Variants in LYPD1 observed in about 807,000 individuals in gnomAD.
LYPD1 encodes the protein LY6/PLAUR domain containing 1, also known as ly6/PLAUR domain-containing protein 1.
Under a neutral mutation model 14.2 loss-of-function variants are expected in LYPD1, and 14 were observed. That is an observed-to-expected ratio of 0.99 (90% confidence interval 0.65 to 1.54). The LOEUF is 1.54. Ranked by LOEUF, LYPD1 falls within the 40% of genes most tolerant of loss-of-function variation. LYPD1 has a pLI of 0.00. For synonymous variants in LYPD1, 85 were observed against 70.6 expected (o/e 1.20, Z -1.02); for missense variants, 165 against 175.7 (o/e 0.94, Z 0.34).
intron 2 of LYPD1, among the ~76,000 whole-genome samples, chr2:132,661,003 T>G (rs1682900160): frequency 1.3e-5 from 2 of 152,300 alleles, no homozygotes; most frequent in East Asian, 3.9e-4. Flanking sequence ...ATCAAGATGC[T>G]TAAGCCCCCC....
In LYPD1 at chr2:132,645,012, C is replaced by T. The variant is rs1031459447; in HGVS notation, c.*1033G>A. 49 of 1,446,030 alleles carry T rather than the reference C, an allele frequency of 3.4e-5. No individual in the cohort carries two copies. Among genetic ancestry groups the T allele is most frequent in the Non-Finnish European group, 4.5e-5 (48 of 1,067,768 alleles). The allele number at this position is 1,446,030 out of a possible 1,614,324, so 89.6% of individuals were successfully genotyped here. A position where few individuals can be genotyped will look rare whatever the true frequency, so the allele number is the denominator to read the frequency against. ...GGCCAGTAAGCACAGAACAGAGGGGCTAAATATTTTATGGTTTTATTCATT... is the reference window on the plus strand; with the variant it reads ...GGCCAGTAAGCACAGAACAGAGGGGTTAAATATTTTATGGTTTTATTCATT... On this transcript the variant is annotated 3_prime_UTR_variant, in exon 3 of 3. Coordinates refer to ENST00000397463, the MANE Select transcript of LYPD1 (RefSeq NM_144586.7).
intron 2 of LYPD1, 114 bp downstream of exon 2, chr2:132,668,286 C>T: frequency 7.7e-7 from 1 of 1,298,972 alleles, no homozygotes. Flanking sequence ...CTGCGATAAC[C>T]AGTGTGTGGG....
Position 132,643,368 on chromosome 2 carries a change from T to TC in LYPD1, c.*2676dup, listed in dbSNP as rs1364571978. Among the ~76,000 whole-genome samples, 1 of 152,202 alleles carries TC rather than the reference T, an allele frequency of 6.6e-6. No individual in the cohort carries two copies. Among genetic ancestry groups the TC allele is most frequent in the African/African-American group, 2.4e-5 (1 of 41,450 alleles). On this transcript the variant is annotated 3_prime_UTR_variant, in exon 3 of 3. Transcript: ENST00000397463. ...TGGAAATTAACAAAGGAGAAGAGTT[T>TC]CCAAGGCCTTCCTTGCTCACATATG...
intron 2 of LYPD1, among the ~76,000 whole-genome samples, chr2:132,649,832 G>GA (rs1281730267): frequency 1.7e-3 from 265 of 151,878 alleles, no homozygotes; most frequent in African/African-American, 5.2e-3. Flanking sequence ...AATGTTGGGG[G>GA]ATAAAAACCC....
Position 132,668,581 on chromosome 2 carries a change from G to A in LYPD1, c.53-44C>T, listed in dbSNP as rs1287811167. ...CGGGTTCAGATCCGGCCCCCACAGA[G>A]CCCACCCCGGAAATCACGACCATCC... is the stretch of plus-strand genomic sequence containing the variant. On this transcript the variant is annotated intron_variant, in intron 1 of 2. Transcript: ENST00000397463. 4 of 1,599,176 alleles carry A rather than the reference G, an allele frequency of 2.5e-6. No individual in the cohort carries two copies. The South Asian group carries it at 3.4e-5, about 13-fold the overall frequency.
At chr2:132,666,590 C>G (rs2104926909) in intron 2 of LYPD1, 1 of 152,242 alleles carries the variant, frequency 6.6e-6, no homozygotes, top group South Asian at 2.1e-4. Context: ...AGCGAGCAAC[C>G]TTAGGCCAGA....
intron 1 of LYPD1, 97 bp from the exon 2 acceptor site, chr2:132,668,634 C>G: frequency 6.5e-7 from 1 of 1,527,406 alleles, no homozygotes; most frequent in Non-Finnish European, 8.7e-7. Flanking sequence ...CGGCTCCCAG[C>G]CTCTGGCAGG....
intron 2 of LYPD1, among the ~76,000 whole-genome samples, chr2:132,650,057 C>T (rs536910045): frequency 1.1e-3 from 175 of 152,238 alleles, no homozygotes; most frequent in African/African-American, 3.7e-3. Context: ...TAACTCAAAT[C>T]ACAAAGCAGA....
chr2:132,655,671 T>A (rs909724341), intron 2 of LYPD1, among the ~76,000 whole-genome samples: 2 of 151,958 alleles, frequency 1.3e-5, no homozygotes, highest in African/African-American at 4.8e-5. Flanking sequence ...CCTGCCACCA[T>A]GCCTGGCTAA....
chr2:132,646,067 G>A lies in LYPD1; in HGVS notation c.404C>T (p.Ala135Val). The change falls in exon 3 of 3, where the codon GCC (alanine) becomes GTC (valine). Residue 135 changes from alanine (A) to valine (V), a missense_variant. Coordinates refer to ENST00000397463, the MANE Select transcript of LYPD1 (RefSeq NM_144586.7). ...LRTTILFLKL[A>V]LFSAHC ...GCTTCAGCAGTGTGCCGAGAAGAGG[G>A]CTAATTTGAGGAACAGGATGGTGGT... The A allele has an allele frequency of 6.3e-7, 1 of 1,588,328 alleles. No homozygotes were observed.
At chr2:132,647,667 T>G (rs78796568) in intron 2 of LYPD1, among the ~76,000 whole-genome samples, 69 of 152,106 alleles carry the variant, frequency 4.5e-4, no homozygotes, top group Non-Finnish European at 1.2e-4. Flanking sequence ...TTATTTTTTT[T>G]GGATAGATGA....
At position 132,648,844 on chromosome 2, in the gene LYPD1, G is replaced by T. The variant is rs191005649; in HGVS notation, c.191-2564C>A. Among the ~76,000 whole-genome samples, 38 of 152,190 alleles carry T rather than the reference G, an allele frequency of 2.5e-4. No homozygotes were observed. In the South Asian group the frequency reaches 4.4e-3, roughly 18 times the overall value. On this transcript the variant is annotated intron_variant, in intron 2 of 2. Coordinates refer to ENST00000397463, the MANE Select transcript of LYPD1 (RefSeq NM_144586.7). ...GTTCCAAGAGGGAGGATGGGGAAAG[G>T]TGTCTGATGTCAGATAGGTGTGTCC...
chr2:132,646,815 G>T (rs1214202028), intron 2 of LYPD1, among the ~76,000 whole-genome samples: 1 of 152,132 alleles, frequency 6.6e-6, no homozygotes. Context: ...GTTTTCCACG[G>T]GATTTAGTGA....
At chr2:132,662,748 A>G (rs2104920757) in intron 2 of LYPD1, among the ~76,000 whole-genome samples, 1 of 152,302 alleles carries the variant, frequency 6.6e-6, no homozygotes, top group African/African-American at 2.4e-5. Flanking sequence ...TTTCATTTTC[A>G]CTTGGGAAAA....
chr2:132,651,693 A>G (rs16839036), intron 2 of LYPD1, among the ~76,000 whole-genome samples: 10,636 of 152,294 alleles, frequency 0.07, 1,234 homozygotes, highest in African/African-American at 0.25. Flanking sequence ...AAGGTTCTCA[A>G]TGACAGTTCC....
chr2:132,646,499 A>G (rs1682089055), intron 2 of LYPD1: 3 of 396,630 alleles, frequency 7.6e-6, no homozygotes, highest in Non-Finnish European at 1.3e-5. Context: ...CTGTTCCAAA[A>G]GCGATTTGAG....
intron 2 of LYPD1, among the ~76,000 whole-genome samples, chr2:132,649,223 A>C (rs543572792): frequency 1.3e-5 from 2 of 152,266 alleles, no homozygotes; most frequent in South Asian, 4.1e-4. Context: ...TTTGAGATTA[A>C]AGAGGGCTTT....
intron 2 of LYPD1, among the ~76,000 whole-genome samples, chr2:132,648,263 A>G (rs965691349): frequency 3.4e-5 from 5 of 147,244 alleles, no homozygotes; most frequent in Non-Finnish European, 4.6e-5. Context: ...GAATTTTTAA[A>G]CTTTTAAAAA....
intron 2 of LYPD1, among the ~76,000 whole-genome samples, chr2:132,653,398 C>T (rs544650752): frequency 2.0e-5 from 3 of 152,284 alleles, no homozygotes; most frequent in African/African-American, 4.8e-5. Context: ...TGGATTATAA[C>T]CCCATCCAAT....
Sources: allele counts gnomAD v4.1 joint callset (sites outside exome capture counted in the v4.1 genomes callset), GRCh38; gene constraint gnomAD v4.1.1; transcripts MANE v1.5; gene names NCBI Gene and HGNC (gene_info 2026-07-23, HGNC 2026-07-21).